The following EBF2 variants were observed in gnomAD, a reference collection of about 807,000 sequenced individuals.
EBF2 encodes the protein transcription factor COE2.
Under a neutral mutation model 72.8 loss-of-function variants are expected in EBF2, and 21 were observed. The observed-to-expected ratio is 0.29, with a 90% CI of 0.20 to 0.42. The LOEUF is 0.42. Among genes scored for constraint, EBF2 ranks in the 10% least tolerant of loss-of-function variants. The pLI, the probability that EBF2 is intolerant of heterozygous loss-of-function variation, is 1.00. For missense variants in EBF2, 637 were observed against 731.2 expected (o/e 0.87, Z 1.49); for synonymous variants, 299 against 274.2 (o/e 1.09, Z -0.89).
chr8:25,908,711 C>T (rs1200093759), intron 6 of EBF2, among the ~76,000 whole-genome samples, 156 bp from the exon 7 acceptor site: 2 of 152,200 alleles, frequency 1.3e-5, no homozygotes, highest in Non-Finnish European at 2.9e-5. Flanking sequence ...TGACCCTCTG[C>T]AATTTGCAAA....
At chr8:25,873,095 T>C (rs1802468312) in intron 10 of EBF2, among the ~76,000 whole-genome samples, 1 of 152,226 alleles carries the variant, frequency 6.6e-6, no homozygotes, top group African/African-American at 2.4e-5. Context: ...CTATTCCTCA[T>C]GTGTCCAACA....
intron 10 of EBF2, among the ~76,000 whole-genome samples, chr8:25,866,493 TATATATAATATATAGGAC>T: frequency 7.3e-6 from 1 of 136,138 alleles, no homozygotes; most frequent in East Asian, 2.0e-4. Context: ...AAATATATAA[TATATATAATATATAGGAC>T]ATATATAATA....
Position 25,929,310 on chromosome 8 carries a change from T to G in EBF2, c.552-20755A>C, listed in dbSNP as rs1042025259. 2.6e-5 allele frequency among the ~76,000 whole-genome samples: 4 copies of G among 152,212 alleles called. No homozygotes were observed. The South Asian group carries it at 8.3e-4, about 32-fold the overall frequency. ...AACAGGGCATCCTGGCTCCACAGTT[T>G]GCTTGTTTAAAACACACTGTCCTAA... On this transcript the variant is annotated intron_variant, in intron 6 of 15. Coordinates refer to ENST00000520164, the MANE Select transcript of EBF2 (RefSeq NM_022659.4).
chr8:26,010,195 AT>A (rs148795358), intron 6 of EBF2, among the ~76,000 whole-genome samples: 9 of 152,184 alleles, frequency 5.9e-5, no homozygotes, highest in Admixed American at 2.0e-4. Context: ...TGGCCGTGGC[AT>A]TTTTTCCCCC....
At chr8:25,997,825 G>A (rs890130093) in intron 6 of EBF2, among the ~76,000 whole-genome samples, 1 of 152,098 alleles carries the variant, frequency 6.6e-6, no homozygotes, top group Non-Finnish European at 1.5e-5. Flanking sequence ...AAAAAGAACA[G>A]CAATGTTGGT....
chr8:26,040,147 G>C (rs1805574211), intron 4 of EBF2, 46 bp from the exon 5 acceptor site: 6 of 1,589,752 alleles, frequency 3.8e-6, no homozygotes, highest in Non-Finnish European at 5.2e-6. Flanking sequence ...GAGAGGGGTG[G>C]GGGGCAAGGA....
intron 2 of EBF2, chr8:26,041,272 CA>C: frequency 1.9e-6 from 1 of 518,468 alleles, no homozygotes; most frequent in East Asian, 3.4e-5. Context: ...GAGCTTCCGA[CA>C]ACAGGACCAC....
Position 25,891,940 on chromosome 8 carries a change from T to A in EBF2, c.634-2071A>T, listed in dbSNP as rs1319516872. On this transcript the variant is annotated intron_variant, in intron 7 of 15. Transcript: ENST00000520164. ...TTTAAAAACCTTTTATTATGAATAA[T>A]TTCAAGCAAACAAAAGAAACAGGAT... Among the ~76,000 whole-genome samples, 3 of 152,112 alleles carry A rather than the reference T, an allele frequency of 2.0e-5. No individual in the cohort carries two copies. In the East Asian group the frequency reaches 5.8e-4, roughly 29 times the overall value.
In EBF2 at chr8:25,864,383, T is replaced by C. The variant is rs568573430; in HGVS notation, c.1010-1586A>G. Among the ~76,000 whole-genome samples the C allele has an allele frequency of 4.7e-4, 72 of 152,296 alleles. 1 individual carries two copies. The highest frequency in any genetic ancestry group is 4.6e-3 in the Admixed American group (70 of 15,298). ...TCTTCTTTCACTTGTAAAAATACTT[T>C]ATATGTTGAGATTTTTAATACTGTG... On this transcript the variant is annotated intron_variant, in intron 10 of 15. Coordinates refer to ENST00000520164, the MANE Select transcript of EBF2 (RefSeq NM_022659.4).
chr8:26,005,859 A>T (rs936261537), intron 6 of EBF2, among the ~76,000 whole-genome samples: 2 of 150,928 alleles, frequency 1.3e-5, no homozygotes, highest in African/African-American at 4.9e-5. Context: ...TTTTAAAATG[A>T]TAGAAAGACT....
At chr8:25,848,628 A>G (rs1585255254) in intron 15 of EBF2, among the ~76,000 whole-genome samples, 1 of 152,312 alleles carries the variant, frequency 6.6e-6, no homozygotes, top group Non-Finnish European at 1.5e-5. Context: ...TGAGACAACC[A>G]GCTCCACTTT....
At chr8:25,846,088 G>A (rs897704005) in intron 15 of EBF2, among the ~76,000 whole-genome samples, 10 of 152,114 alleles carry the variant, frequency 6.6e-5, no homozygotes, top group African/African-American at 2.2e-4. Flanking sequence ...TACACAGCTA[G>A]CAAAGCCTTA....
At chr8:25,848,933 C>T (rs151224318) in intron 15 of EBF2, among the ~76,000 whole-genome samples, 4 of 152,134 alleles carry the variant, frequency 2.6e-5, no homozygotes, top group African/African-American at 7.2e-5. Context: ...AAGGAAAGTA[C>T]GGTAAATATT....
chr8:26,034,137 A>G (rs6997996), intron 5 of EBF2, among the ~76,000 whole-genome samples: 45,052 of 152,156 alleles, frequency 0.3, 7,000 homozygotes, highest in East Asian at 0.36. Flanking sequence ...TTATTTACAT[A>G]ACATCTTTCT....
At chr8:25,916,286 A>T (rs1365493131) in intron 6 of EBF2, among the ~76,000 whole-genome samples, 2 of 3,712 alleles carry the variant, frequency 5.4e-4, no homozygotes, top group Non-Finnish European at 2.5e-3. Context: ...ACTCTATCTC[A>T]AAAAAAAAAA....
intron 6 of EBF2, among the ~76,000 whole-genome samples, chr8:25,942,576 C>A (rs1024918223): frequency 1.3e-5 from 2 of 152,228 alleles, no homozygotes; most frequent in African/African-American, 4.8e-5. Context: ...CAGAGTCTAA[C>A]CCCAGCCCCC....
chr8:26,037,609 G>A (rs1805524590), intron 5 of EBF2, among the ~76,000 whole-genome samples: 1 of 152,196 alleles, frequency 6.6e-6, no homozygotes, highest in Non-Finnish European at 1.5e-5. Context: ...CAGCTGTGGG[G>A]TTTGCTCAAG....
chr8:26,016,801 A>G (rs1805117885), intron 6 of EBF2, among the ~76,000 whole-genome samples: 1 of 152,210 alleles, frequency 6.6e-6, no homozygotes, highest in African/African-American at 2.4e-5. Context: ...CCTGAGTAAT[A>G]AAGTCAAGAC....
intron 10 of EBF2, among the ~76,000 whole-genome samples, chr8:25,885,610 T>C (rs967742012): frequency 6.6e-6 from 1 of 152,144 alleles, no homozygotes; most frequent in African/African-American, 2.4e-5. Context: ...TGGTGGGAGA[T>C]AGTTGAATCA....
Sources: allele counts gnomAD v4.1 joint callset (sites outside exome capture counted in the v4.1 genomes callset), GRCh38; gene constraint gnomAD v4.1.1; transcripts MANE v1.5; gene names NCBI Gene and HGNC (gene_info 2026-07-23, HGNC 2026-07-21).